DLG2: variants seen among roughly 807,000 people sequenced by gnomAD.
DLG2 encodes the protein discs large MAGUK scaffold protein 2.
DLG2 carries 45 observed loss-of-function variants against 132.5 expected under a neutral mutation model. That is an observed-to-expected ratio of 0.34 (90% CI 0.27 to 0.44). The LOEUF (loss-of-function observed/expected upper bound fraction) is 0.44, where lower values mean the gene tolerates loss of function less well. Among genes scored for constraint, DLG2 ranks in the 20% least tolerant of loss-of-function variants. DLG2 has a pLI of 1.00. For synonymous variants in DLG2, 424 were observed against 419.6 expected (o/e 1.01, Z -0.13); for missense variants, 1,045 against 1,196.9 (o/e 0.87, Z 1.87).
At chr11:83,551,634 G>A (rs981110091) in intron 19 of DLG2, among the ~76,000 whole-genome samples, 5 of 151,982 alleles carry the variant, frequency 3.3e-5, no homozygotes, top group East Asian at 1.9e-4. Flanking sequence ...ACTACAGGCT[G>A]TACTGTAGCA....
At chr11:83,622,716 G>C (rs2061820192) in intron 19 of DLG2, among the ~76,000 whole-genome samples, 1 of 152,106 alleles carries the variant, frequency 6.6e-6, no homozygotes, top group Non-Finnish European at 1.5e-5. Context: ...ATGTAGTTTT[G>C]AGAGATCTTC....
At chr11:83,625,286 T>C (rs1407311958) in intron 19 of DLG2, among the ~76,000 whole-genome samples, 1 of 152,182 alleles carries the variant, frequency 6.6e-6, no homozygotes, top group African/African-American at 2.4e-5. Context: ...GCCTTAAATG[T>C]TCTCAAGAAA....
chr11:85,007,836 A>G (rs919631647), intron 6 of DLG2, among the ~76,000 whole-genome samples: 5 of 152,068 alleles, frequency 3.3e-5, no homozygotes, highest in Non-Finnish European at 5.9e-5. Flanking sequence ...TTGTGACTTC[A>G]CTGATCTTAA....
chr11:84,487,936 C>A (rs1264561130), intron 7 of DLG2, among the ~76,000 whole-genome samples: 1 of 152,040 alleles, frequency 6.6e-6, no homozygotes, highest in South Asian at 2.1e-4. Flanking sequence ...GGAAGATAAT[C>A]CCATTTTATT....
chr11:83,478,451 C>A (rs969051478), intron 22 of DLG2, among the ~76,000 whole-genome samples: 1 of 152,000 alleles, frequency 6.6e-6, no homozygotes, highest in Non-Finnish European at 1.5e-5. Context: ...TTCCTTTATT[C>A]ATTCAATAAA....
At chr11:84,882,115 C>T (rs1052382293) in intron 6 of DLG2, among the ~76,000 whole-genome samples, 1 of 152,058 alleles carries the variant, frequency 6.6e-6, no homozygotes, top group Non-Finnish European at 1.5e-5. Context: ...AATGAAATTA[C>T]TACTACTCTA....
chr11:84,954,679 C>A (rs1032127676), intron 6 of DLG2, among the ~76,000 whole-genome samples: 3 of 152,134 alleles, frequency 2.0e-5, no homozygotes, highest in African/African-American at 7.2e-5. Flanking sequence ...GCCTCCTTGA[C>A]CTTTGTGACG....
At chr11:85,147,974 A>G (rs1468758439) in intron 5 of DLG2, among the ~76,000 whole-genome samples, 1 of 150,898 alleles carries the variant, frequency 6.6e-6, no homozygotes, top group Non-Finnish European at 1.5e-5. Flanking sequence ...TCATTGTACA[A>G]CTCCAGCTGA....
chr11:85,301,547 G>A (rs1446149661), intron 3 of DLG2, among the ~76,000 whole-genome samples: 5 of 152,112 alleles, frequency 3.3e-5, no homozygotes, highest in Non-Finnish European at 7.4e-5. Context: ...ATTATGCAGG[G>A]CTAGAACTGT....
intron 18 of DLG2, among the ~76,000 whole-genome samples, chr11:83,670,052 G>T (rs750273595): frequency 6.6e-6 from 1 of 152,084 alleles, no homozygotes; most frequent in Non-Finnish European, 1.5e-5. Flanking sequence ...TACTGTGGTG[G>T]GTGCAATATC....
intron 7 of DLG2, among the ~76,000 whole-genome samples, chr11:84,364,995 T>C (rs531500728): frequency 2.0e-5 from 3 of 151,978 alleles, no homozygotes; most frequent in South Asian, 2.1e-4. Context: ...TGTCTCTGCC[T>C]GGCTTTGGTA....
intron 16 of DLG2, among the ~76,000 whole-genome samples, chr11:83,839,266 T>C (rs1186065001): frequency 6.6e-6 from 1 of 152,164 alleles, no homozygotes; most frequent in Non-Finnish European, 1.5e-5. Context: ...AAAACAGAAT[T>C]TTATATTATA....
chr11:84,399,222 G>C (rs1002751865), intron 7 of DLG2, among the ~76,000 whole-genome samples: 14 of 152,098 alleles, frequency 9.2e-5, no homozygotes, highest in African/African-American at 3.1e-4. Flanking sequence ...CCCTGCTAGT[G>C]TTCCTTCTTC....
At chr11:83,553,501 T>TGTGTGTGTGTGTGTGTGTGG (rs2096443660) in intron 19 of DLG2, among the ~76,000 whole-genome samples, 1 of 149,246 alleles carries the variant, frequency 6.7e-6, no homozygotes, top group African/African-American at 2.5e-5. Context: ...TGTGTGTGTG[T>TGTGTGTGTGTGTGTGTGTGG]GTGTGTGTGT....
intron 6 of DLG2, among the ~76,000 whole-genome samples, chr11:84,992,103 C>G (rs2057183158): frequency 6.6e-6 from 1 of 152,160 alleles, no homozygotes; most frequent in African/African-American, 2.4e-5. Flanking sequence ...CTTCATTCAT[C>G]CCTCCTAACC....
At chr11:84,303,981 T>C (rs1274621198) in intron 7 of DLG2, among the ~76,000 whole-genome samples, 1 of 152,148 alleles carries the variant, frequency 6.6e-6, no homozygotes, top group Non-Finnish European at 1.5e-5. Context: ...TGCTAAGCAC[T>C]AGGGAAACAG....
chr11:85,089,556 G>T (rs183702411), intron 6 of DLG2, among the ~76,000 whole-genome samples: 101 of 152,196 alleles, frequency 6.6e-4, no homozygotes, highest in African/African-American at 2.4e-3. Context: ...TGGATTCCGT[G>T]CCTTTGCTAT....
At chr11:84,419,802 G>T (rs906837550) in intron 7 of DLG2, among the ~76,000 whole-genome samples, 2 of 152,094 alleles carry the variant, frequency 1.3e-5, no homozygotes, top group Non-Finnish European at 2.9e-5. Context: ...TACCCATTTT[G>T]CTCCTAATTA....
At chr11:85,161,144 C>G (rs933694705) in intron 4 of DLG2, among the ~76,000 whole-genome samples, 1 of 152,136 alleles carries the variant, frequency 6.6e-6, no homozygotes, top group Non-Finnish European at 1.5e-5. Context: ...ATATTTGTAT[C>G]GCATGGGATT....
Sources: allele counts gnomAD v4.1 joint callset (sites outside exome capture counted in the v4.1 genomes callset), GRCh38; gene constraint gnomAD v4.1.1; transcripts MANE v1.5; gene names NCBI Gene and HGNC (gene_info 2026-07-23, HGNC 2026-07-21).